The following GID4 variants were observed in gnomAD, a reference collection of about 807,000 sequenced individuals.
GID4 encodes the protein GID complex subunit 4 homolog.
In GID4, 7 loss-of-function variants were observed where a neutral mutation model predicts 32.4. The ratio of observed to expected loss-of-function variants is 0.22; its 90% CI spans 0.12 to 0.41. The LOEUF (loss-of-function observed/expected upper bound fraction) is 0.41. Among genes scored for constraint, GID4 ranks in the 10% least tolerant of loss-of-function variants. The probability of loss-of-function intolerance (pLI) is 1.00; values close to 1 mark genes in which losing one functional copy is unlikely to be tolerated. For missense variants in GID4, 309 were observed against 400.0 expected, an observed-to-expected ratio of 0.77 and a Z score of 1.94; for synonymous variants, 166 against 170.0, an observed-to-expected ratio of 0.98 and a Z score of 0.18.
In GID4 at chr17:18,066,086, A is replaced by G. The variant is rs1014580750; in HGVS notation, c.*843A>G. 2.6e-5 allele frequency: 4 copies of G among 152,588 alleles called. No individual in the cohort carries two copies. The highest frequency in any genetic ancestry group is 4.8e-5 in the African/African-American group (2 of 41,464). 9.5% of individuals were successfully genotyped at this position (152,588 alleles called of 1,614,324 possible). The stretch of plus-strand genomic sequence containing the variant: ...ACGAGGACCCTATGGCAAATGCACA[A>G]TTATTCAGAATTACATTTTATCGTT... On this transcript the variant is annotated 3_prime_UTR_variant, in exon 6 of 6. Coordinates refer to ENST00000268719, the MANE Select transcript of GID4 (RefSeq NM_024052.5).
chr17:18,052,737 A>T (rs112645200), intron 2 of GID4, among the ~76,000 whole-genome samples: 3,384 of 152,274 alleles, frequency 0.022, 140 homozygotes, highest in African/African-American at 0.077. Flanking sequence ...AACAAAGAGC[A>T]ATTAACAAAG....
chr17:18,055,255 A>G (rs188684524), intron 3 of GID4, among the ~76,000 whole-genome samples: 2 of 152,140 alleles, frequency 1.3e-5, no homozygotes, highest in Admixed American at 1.3e-4. Context: ...TTTGTTTAAC[A>G]TTGAAGAAGT....
chr17:18,064,323 A>G (rs1302894641), intron 5 of GID4, among the ~76,000 whole-genome samples: 1 of 152,114 alleles, frequency 6.6e-6, no homozygotes, highest in African/African-American at 2.4e-5. Flanking sequence ...CCTCCCTGGC[A>G]CTTGTTATCA....
At chr17:18,048,026 G>C (rs938898127) in intron 2 of GID4, among the ~76,000 whole-genome samples, 1 of 151,110 alleles carries the variant, frequency 6.6e-6, no homozygotes, top group African/African-American at 2.4e-5. Context: ...TCAGCCTCCC[G>C]AGTAGCTGGG....
chr17:18,040,751 TCTTTCCTGTTCTTAA>T (rs1477292476), intron 1 of GID4, among the ~76,000 whole-genome samples: 1 of 152,158 alleles, frequency 6.6e-6, no homozygotes, highest in Non-Finnish European at 1.5e-5. Context: ...CAGGGGACCC[TCTTTCCTGTTCTTAA>T]CTTTTCTCTA....
intron 3 of GID4, chr17:18,056,920 G>C (rs1267740747): frequency 1.3e-6 from 2 of 1,550,548 alleles, no homozygotes; most frequent in Admixed American, 2.0e-5. Context: ...AGGACTCCCA[G>C]GTTCCCACGT....
At chr17:18,054,512 C>T (rs1597695726) in intron 3 of GID4, among the ~76,000 whole-genome samples, 1 of 152,244 alleles carries the variant, frequency 6.6e-6, no homozygotes, top group East Asian at 1.9e-4. Context: ...AACAGTGTCC[C>T]CCCATCCTTC....
rs1482083189 is a variant in GID4 at position 18,039,834 on chromosome 17, A to G, written c.370A>G (p.Ser124Gly). The G allele has an allele frequency of 1.9e-6, 3 of 1,555,566 alleles. No homozygotes were observed. The South Asian group carries it at 3.5e-5, about 18-fold the overall frequency. ...QPGVATSLLY[S>G]GSKFRGHQKS... Reference sequence around the variant, plus strand: ...CGGCGTGGCCACCAGCCTGCTCTACAGCGGCTCCAAGTTCCGCGGCCACCA... The same window carrying G: ...CGGCGTGGCCACCAGCCTGCTCTACGGCGGCTCCAAGTTCCGCGGCCACCA... Residue 124 changes from serine to glycine, a missense_variant, in exon 1 of 6, where the codon AGC (serine) becomes GGC (glycine). By Grantham distance (56) the Ser-to-Gly change is moderately conservative. Transcript: ENST00000268719. The surrounding 1 kb of genome is among the most constrained non-coding windows in gnomAD (Gnocchi z 5.3).
intron 2 of GID4, among the ~76,000 whole-genome samples, chr17:18,045,594 G>A (rs1262565787): frequency 6.6e-6 from 1 of 151,862 alleles, no homozygotes; most frequent in Non-Finnish European, 1.5e-5. Context: ...TTAGTTAATT[G>A]GAACAATGAA....
At chr17:18,041,912 G>A (rs2145545547) in intron 1 of GID4, among the ~76,000 whole-genome samples, 1 of 152,362 alleles carries the variant, frequency 6.6e-6, no homozygotes, top group South Asian at 2.1e-4. Context: ...GAAACCTGGT[G>A]GATGGCTGGG....
Position 18,053,506 on chromosome 17 carries a change from G to T in GID4, c.499-621G>T, listed in dbSNP as rs555315942. 7.2e-5 allele frequency among the ~76,000 whole-genome samples: 11 copies of T among 152,098 alleles called. No homozygotes were observed. The South Asian group carries it at 2.1e-3, about 29-fold the overall frequency. On this transcript the variant is annotated intron_variant, in intron 2 of 5. Coordinates refer to ENST00000268719, the MANE Select transcript of GID4 (RefSeq NM_024052.5). Reference sequence around the variant, plus strand: ...CAGCCAACTGTAATCCCAACTACTCGGGAGGCTGAGGTAGGAGAATCACAT... The same window carrying T: ...CAGCCAACTGTAATCCCAACTACTCTGGAGGCTGAGGTAGGAGAATCACAT...
chr17:18,042,582 T>A (rs1160732109), intron 1 of GID4, among the ~76,000 whole-genome samples: 1 of 152,284 alleles, frequency 6.6e-6, no homozygotes, highest in Non-Finnish European at 1.5e-5. Context: ...ATTTGGGTTG[T>A]TTCCACTTCT....
At chr17:18,063,219 G>A (rs1287086544) in intron 5 of GID4, among the ~76,000 whole-genome samples, 1 of 152,024 alleles carries the variant, frequency 6.6e-6, no homozygotes, top group African/African-American at 2.4e-5. Context: ...ACACCAGCCT[G>A]GCCAATATGG....
At chr17:18,057,032 G>T in intron 3 of GID4, 1 of 1,545,420 alleles carries the variant, frequency 6.5e-7, no homozygotes, top group Non-Finnish European at 8.7e-7. Flanking sequence ...ACTAGAATCA[G>T]AGATATTGTA....
chr17:18,045,703 A>G (rs571075762), intron 2 of GID4, among the ~76,000 whole-genome samples: 2 of 151,870 alleles, frequency 1.3e-5, no homozygotes, highest in East Asian at 1.9e-4. Context: ...AGCCTGGCCA[A>G]CATGGTGAAA....
Position 18,045,097 on chromosome 17 carries a change from C to T in GID4, c.439-50C>T, listed in dbSNP as rs749702386. The T allele has an allele frequency of 3.4e-6, 5 of 1,450,134 alleles. No individual in the cohort carries two copies. In the Admixed American group the frequency reaches 6.7e-5, roughly 20 times the overall value. 89.8% of individuals were successfully genotyped at this position (1,450,134 alleles called of 1,614,324 possible). On this transcript the variant is annotated intron_variant, in intron 1 of 5. Transcript: ENST00000268719. ...TTTGCAGAGTACCCTCCTGCATGTCCCCTAGTAAGTTTATCTATTTGTGAC... is the reference window on the plus strand; with the variant it reads ...TTTGCAGAGTACCCTCCTGCATGTCTCCTAGTAAGTTTATCTATTTGTGAC...
chr17:18,050,427 G>T (rs546078798), intron 2 of GID4, among the ~76,000 whole-genome samples: 1 of 152,184 alleles, frequency 6.6e-6, no homozygotes, highest in African/African-American at 2.4e-5. Flanking sequence ...CAAGAGAGGC[G>T]ACCTTTCCGG....
At chr17:18,058,085 GGCCTCCCCAAGT>G (rs1194278553) in intron 3 of GID4, among the ~76,000 whole-genome samples, 2 of 152,112 alleles carry the variant, frequency 1.3e-5, no homozygotes, top group Admixed American at 6.6e-5. Flanking sequence ...TGCCTGCCTT[GGCCTCCCCAAGT>G]GCTGGGATTA....
rs1206493797 is a variant in GID4 at position 18,039,928 on chromosome 17, C to G, written c.438+26C>G. 1.5e-6 allele frequency: 2 copies of G among 1,346,858 alleles called. No individual in the cohort carries two copies. The highest frequency in any genetic ancestry group is 2.1e-5 in the South Asian group (1 of 46,614). The allele number at this position is 1,346,858 out of a possible 1,614,324, so 83.4% of individuals were successfully genotyped here. A position where few individuals can be genotyped will look rare whatever the true frequency, so the allele number is the denominator to read the frequency against. On this transcript the variant is annotated intron_variant, in intron 1 of 5. Coordinates refer to ENST00000268719, the MANE Select transcript of GID4 (RefSeq NM_024052.5). This position sits in a 1 kb window ranked among gnomAD's most constrained non-coding sequence, Gnocchi z 5.3. ...GTGAGCGCCGGGCCGGGCCGGGGCCCGAGGGCCTCCTCGCGGCGCTCACGG... is the reference window on the plus strand; with the variant it reads ...GTGAGCGCCGGGCCGGGCCGGGGCCGGAGGGCCTCCTCGCGGCGCTCACGG...
Sources: gnomAD v4.1 joint callset for allele counts (sites outside exome capture counted in the v4.1 genomes callset) on GRCh38, gnomAD v4.1.1 for gene constraint, Gnocchi (gnomAD v3.1) non-coding constraint, MANE v1.5 for transcripts, NCBI Gene and HGNC (gene_info 2026-07-23, HGNC 2026-07-21) for gene names.